Variants in DDR2 observed in about 807,000 individuals in gnomAD.
DDR2 encodes the protein discoidin domain-containing receptor 2.
Under a neutral mutation model 94.9 loss-of-function variants are expected in DDR2, and 27 were observed. The observed-to-expected ratio is 0.28, with a 90% CI of 0.21 to 0.39. The LOEUF (loss-of-function observed/expected upper bound fraction) is 0.39. Among genes scored for constraint, DDR2 ranks in the 10% least tolerant of loss-of-function variants. The pLI, the probability that DDR2 is intolerant of heterozygous loss-of-function variation, is 1.00. For missense variants in DDR2, 783 were observed against 1,076.0 expected (o/e 0.73, Z 3.81); for synonymous variants, 382 against 377.2 (o/e 1.01, Z -0.15).
rs12239298 is a variant in DDR2 at position 162,697,297 on chromosome 1, A to G, written c.-27-21740A>G. On this transcript the variant is annotated intron_variant, in intron 2 of 17. Coordinates refer to ENST00000367921, the MANE Select transcript of DDR2 (RefSeq NM_006182.4). ...GTGCACAGAGCACCTCAACTATTGG[A>G]GCCCAGGTGATCTCTTCAGTGGGTC... Among the ~76,000 whole-genome samples, 337 of 152,234 alleles carry G rather than the reference A, an allele frequency of 2.2e-3. 3 individuals carry two copies. Among genetic ancestry groups the G allele is most frequent in the African/African-American group, 7.8e-3 (322 of 41,534 alleles).
intron 4 of DDR2, among the ~76,000 whole-genome samples, chr1:162,753,847 T>C (rs1663332120): frequency 6.6e-6 from 1 of 152,110 alleles, no homozygotes. Flanking sequence ...TTGATTTTAT[T>C]AAAATGGAAT....
chr1:162,776,412 T>C (rs750118273), intron 16 of DDR2, 42 bp downstream of exon 16: 1 of 1,604,688 alleles, frequency 6.2e-7, no homozygotes, highest in Non-Finnish European at 8.5e-7. Flanking sequence ...ACAACTGGCT[T>C]GTGGGCTCAC....
intron 1 of DDR2, among the ~76,000 whole-genome samples, chr1:162,635,145 G>A (rs1656749334): frequency 1.3e-5 from 2 of 152,152 alleles, no homozygotes; most frequent in African/African-American, 4.8e-5. Context: ...CTTATCACCT[G>A]CTTATTCTCC....
chr1:162,763,582 A>G (rs992492091), intron 9 of DDR2, among the ~76,000 whole-genome samples: 2 of 152,040 alleles, frequency 1.3e-5, no homozygotes, highest in African/African-American at 2.4e-5. Context: ...TTCCGAAAGA[A>G]CAAGGTATTT....
intron 2 of DDR2, among the ~76,000 whole-genome samples, chr1:162,717,898 A>G (rs1661242262): frequency 1.3e-5 from 2 of 152,078 alleles, no homozygotes. Context: ...CTGTTTTTAC[A>G]CTGTACTTCT....
chr1:162,734,158 A>G (rs558494541), intron 3 of DDR2, among the ~76,000 whole-genome samples: 1 of 152,310 alleles, frequency 6.6e-6, no homozygotes, highest in African/African-American at 2.4e-5. Context: ...AAAGAAATAC[A>G]TTTGTGAACT....
chr1:162,760,765 A>G (rs570894574), intron 8 of DDR2, among the ~76,000 whole-genome samples: 5 of 151,834 alleles, frequency 3.3e-5, no homozygotes, highest in Admixed American at 2.6e-4. Context: ...ACCTCACTTC[A>G]TGTTGCTGGA....
intron 3 of DDR2, among the ~76,000 whole-genome samples, chr1:162,746,558 C>A (rs1408960055): frequency 1.3e-5 from 2 of 152,212 alleles, no homozygotes; most frequent in African/African-American, 2.4e-5. Context: ...CGTAGCTGAA[C>A]AAAAGGCAGC....
At chr1:162,702,726 A>T (rs559799356) in intron 2 of DDR2, among the ~76,000 whole-genome samples, 1 of 152,316 alleles carries the variant, frequency 6.6e-6, no homozygotes, top group East Asian at 1.9e-4. Context: ...GTTAGAGAGG[A>T]CATGTCTTCC....
In DDR2 at chr1:162,754,673, G is replaced by C. The variant is rs777417346; in HGVS notation, c.235G>C (p.Glu79Gln). The change falls in exon 5 of 18, where the codon GAA becomes CAA. Residue 79 changes from glutamate to glutamine, a missense_variant. Glu to Gln is a conservative substitution (Grantham distance 29). Around this residue, in one of 2 missense-constraint regions of DDR2, gnomAD observed 519 missense variants for 647.9 expected, o/e 0.80. Transcript: ENST00000367921. Reference sequence around the variant, plus strand: ...AGCCTGGTGCCCTGAGATTCCAGTGGAACCTGATGACCTGAAGGAGTTTCT... The same window carrying C: ...AGCCTGGTGCCCTGAGATTCCAGTGCAACCTGATGACCTGAAGGAGTTTCT... Reference protein sequence around the residue: ...DGAWCPEIPVEPDDLKEFLQI... With the variant: ...DGAWCPEIPVQPDDLKEFLQI... The C allele has an allele frequency of 6.2e-7, 1 of 1,614,108 alleles. No individual in the cohort carries two copies. The highest frequency in any genetic ancestry group is 8.5e-7 in the Non-Finnish European group (1 of 1,180,000).
At chr1:162,757,404 A>G (rs1663514128) in intron 7 of DDR2, among the ~76,000 whole-genome samples, 1 of 152,148 alleles carries the variant, frequency 6.6e-6, no homozygotes, top group Non-Finnish European at 1.5e-5. Context: ...TAGCATGAGG[A>G]AAAAAGAATC....
chr1:162,697,958 C>CT (rs1378309605), intron 2 of DDR2, among the ~76,000 whole-genome samples: 1 of 152,134 alleles, frequency 6.6e-6, no homozygotes, highest in Non-Finnish European at 1.5e-5. Flanking sequence ...AGTAGATGGG[C>CT]TAGAGTTTTT....
chr1:162,774,060 T>TA (rs11411367), intron 14 of DDR2, among the ~76,000 whole-genome samples: 1 of 151,916 alleles, frequency 6.6e-6, no homozygotes, highest in Non-Finnish European at 1.5e-5. Context: ...TTTTCTTCTA[T>TA]TTGAGCAACC....
At chr1:162,747,625 AT>A (rs1662950102) in intron 3 of DDR2, among the ~76,000 whole-genome samples, 1 of 152,310 alleles carries the variant, frequency 6.6e-6, no homozygotes, top group Non-Finnish European at 1.5e-5. Flanking sequence ...GCAGGCCAAC[AT>A]TCAAATTCAA....
rs555294930 is a variant in DDR2 at position 162,640,882 on chromosome 1, C to T, written c.-192+8251C>T. Among the ~76,000 whole-genome samples the T allele has an allele frequency of 1.4e-4, 21 of 150,892 alleles. No individual in the cohort carries two copies. The South Asian group carries it at 4.0e-3, about 28-fold the overall frequency. On this transcript the variant is annotated intron_variant, in intron 1 of 17. Coordinates refer to ENST00000367921, the MANE Select transcript of DDR2 (RefSeq NM_006182.4). ...TTGTGATCCTTCCACCTCAGCCCCT[C>T]GACTAGCTGGGACTATATGTGCGTA...
chr1:162,709,755 G>A (rs1660815658), intron 2 of DDR2, among the ~76,000 whole-genome samples: 1 of 152,172 alleles, frequency 6.6e-6, no homozygotes, highest in Non-Finnish European at 1.5e-5. Flanking sequence ...ATACTCACAT[G>A]CAGAAAAGTT....
intron 14 of DDR2, among the ~76,000 whole-genome samples, chr1:162,774,794 A>G (rs944221336): frequency 6.6e-6 from 1 of 152,020 alleles, no homozygotes; most frequent in Non-Finnish European, 1.5e-5. Flanking sequence ...AGCCATGGAA[A>G]CCCCTGGTTT....
chr1:162,662,347 C>G (rs1466037778), intron 2 of DDR2, among the ~76,000 whole-genome samples: 1 of 152,188 alleles, frequency 6.6e-6, no homozygotes, highest in African/African-American at 2.4e-5. Flanking sequence ...TGTGAGCTAA[C>G]TAACACCTCA....
chr1:162,748,315 G>A lies in DDR2; in HGVS notation c.83-4780G>A, dbSNP rs372163291. Among the ~76,000 whole-genome samples the A allele has an allele frequency of 1.4e-4, 21 of 152,212 alleles. No homozygotes were observed. In the South Asian group the frequency reaches 2.3e-3, roughly 17 times the overall value. ...AAAGGGATGGAGGAAGATCCACCAA[G>A]CAAATGGAAAACAAAAAAAGGCAGG... On this transcript the variant is annotated intron_variant, in intron 3 of 17. Transcript: ENST00000367921.
Sources: allele counts gnomAD v4.1 joint callset (sites outside exome capture counted in the v4.1 genomes callset), GRCh38; gene constraint gnomAD v4.1.1; regional missense constraint gnomAD v4.1.1; transcripts MANE v1.5; gene names NCBI Gene and HGNC (gene_info 2026-07-23, HGNC 2026-07-21).